Variants in GRIK2 observed in about 807,000 individuals in gnomAD.
The protein encoded by GRIK2 is glutamate ionotropic receptor kainate type subunit 2.
In GRIK2, 32 loss-of-function variants were observed where a neutral mutation model predicts 100.3. The observed-to-expected ratio is 0.32, with a 90% CI of 0.24 to 0.43. GRIK2 has a LOEUF of 0.43. Ranked by LOEUF, GRIK2 falls within the 20% of genes least tolerant of loss-of-function variation. GRIK2 has a pLI of 1.00. For synonymous variants in GRIK2, 417 were observed against 389.4 expected, an observed-to-expected ratio of 1.07 and a Z score of -0.83; for missense variants, 843 against 1,114.9, an observed-to-expected ratio of 0.76 and a Z score of 3.47.
intron 14 of GRIK2, chr6:101,993,348 A>G (rs1219799842): frequency 6.6e-6 from 1 of 151,546 alleles, no homozygotes; most frequent in Non-Finnish European, 1.5e-5. Context: ...AAAGGAAGAT[A>G]TATTTACTTA....
At chr6:101,930,664 CAT>C (rs1562494144) in intron 14 of GRIK2, among the ~76,000 whole-genome samples, 1 of 152,024 alleles carries the variant, frequency 6.6e-6, no homozygotes, top group Non-Finnish European at 1.5e-5. Flanking sequence ...AGTTACCAAA[CAT>C]ATGTATTTTT....
intron 2 of GRIK2, among the ~76,000 whole-genome samples, chr6:101,400,132 A>G (rs1397505184): frequency 2.2e-5 from 3 of 137,824 alleles, no homozygotes; most frequent in Non-Finnish European, 3.2e-5. Flanking sequence ...GAAGGATAGT[A>G]TCTGGGGCGG....
intron 16 of GRIK2, among the ~76,000 whole-genome samples, chr6:102,067,072 C>G (rs1422370423): frequency 1.3e-5 from 2 of 151,592 alleles, no homozygotes; most frequent in Non-Finnish European, 3.0e-5. Flanking sequence ...CTAATTAATT[C>G]AAAGTATGTT....
intron 11 of GRIK2, among the ~76,000 whole-genome samples, chr6:101,878,070 GTATATTATAT>G (rs67537651): frequency 0.24 from 32,814 of 135,352 alleles, 4,121 homozygotes; most frequent in East Asian, 0.28. Flanking sequence ...ATCGTGCCAG[GTATATTATAT>G]TATATTATAT....
intron 7 of GRIK2, among the ~76,000 whole-genome samples, chr6:101,734,577 G>T (rs778751710): frequency 6.6e-6 from 1 of 152,088 alleles, no homozygotes; most frequent in Non-Finnish European, 1.5e-5. Context: ...AAGTATTTGG[G>T]TACCCATGAC....
chr6:101,999,695 G>A (rs1000790044), intron 14 of GRIK2, among the ~76,000 whole-genome samples: 2 of 151,888 alleles, frequency 1.3e-5, no homozygotes, highest in African/African-American at 2.4e-5. Flanking sequence ...GTGCCTTACT[G>A]TATTGACTGG....
At chr6:101,650,498 T>A (rs1046158777) in intron 4 of GRIK2, among the ~76,000 whole-genome samples, 1 of 152,120 alleles carries the variant, frequency 6.6e-6, no homozygotes, top group African/African-American at 2.4e-5. Flanking sequence ...CATAATCAGC[T>A]GTGCCCAGAA....
intron 2 of GRIK2, among the ~76,000 whole-genome samples, chr6:101,473,857 C>T (rs942270148): frequency 6.6e-6 from 1 of 151,800 alleles, no homozygotes; most frequent in African/African-American, 2.4e-5. Context: ...GCAGATGTTG[C>T]TTTTTTGTAT....
At chr6:101,522,668 G>A (rs2749052) in intron 2 of GRIK2, among the ~76,000 whole-genome samples, 38,769 of 151,976 alleles carry the variant, frequency 0.26, 5,534 homozygotes, top group Non-Finnish European at 0.31. Context: ...TTGCATAAAT[G>A]AAACATTTTC....
In GRIK2 at chr6:101,806,629, T is replaced by G. The variant is rs192505780; in HGVS notation, c.1203+4191T>G. 2.6e-3 allele frequency among the ~76,000 whole-genome samples: 391 copies of G among 151,728 alleles called. 4 individuals carry two copies. Among genetic ancestry groups the G allele is most frequent in the African/African-American group, 9.0e-3 (373 of 41,360 alleles). On this transcript the variant is annotated intron_variant, in intron 9 of 16. Transcript: ENST00000369134. ...TCTTCTGCCCTACCTACAGAGGGTT[T>G]TTTTTTTTTTCTCATTTCCTCAAGA...
chr6:101,646,466 A>G (rs1024726798), intron 4 of GRIK2, among the ~76,000 whole-genome samples: 5 of 151,952 alleles, frequency 3.3e-5, no homozygotes, highest in African/African-American at 1.2e-4. Flanking sequence ...AGTTATGAAA[A>G]TATGTATTAT....
chr6:101,648,953 A>G (rs187072774), intron 4 of GRIK2, among the ~76,000 whole-genome samples: 166 of 152,202 alleles, frequency 1.1e-3, no homozygotes, highest in African/African-American at 3.9e-3. Flanking sequence ...CCTATTTATA[A>G]AACCATCTGT....
At chr6:101,599,130 T>A (rs1779069960) in intron 2 of GRIK2, among the ~76,000 whole-genome samples, 1 of 151,652 alleles carries the variant, frequency 6.6e-6, no homozygotes, top group South Asian at 2.1e-4. Flanking sequence ...TCCATGAGCA[T>A]CCAATATTTA....
chr6:101,681,404 A>ATTTTTTTTTTTTTTTTTTTTT, intron 5 of GRIK2, among the ~76,000 whole-genome samples: 1 of 111,956 alleles, frequency 8.9e-6, no homozygotes. Context: ...TTTCTTTTCT[A>ATTTTTTTTTTTTTTTTTTTTT]TTTTTTTTTT....
At chr6:101,965,991 G>A (rs1387334439) in intron 14 of GRIK2, among the ~76,000 whole-genome samples, 1 of 152,016 alleles carries the variant, frequency 6.6e-6, no homozygotes, top group Non-Finnish European at 1.5e-5. Flanking sequence ...ACATTAGATA[G>A]CATAGAAACT....
At chr6:101,546,972 A>C (rs1401801353) in intron 2 of GRIK2, among the ~76,000 whole-genome samples, 15 of 148,180 alleles carry the variant, frequency 1.0e-4, no homozygotes, top group Non-Finnish European at 2.1e-4. Flanking sequence ...CTGGGACTAC[A>C]GGCGCCCGCC....
chr6:101,567,947 G>A (rs953750539), intron 2 of GRIK2, among the ~76,000 whole-genome samples: 3 of 151,886 alleles, frequency 2.0e-5, no homozygotes, highest in African/African-American at 7.2e-5. Context: ...ACTTGTAGAT[G>A]TAGAATACAA....
intron 9 of GRIK2, among the ~76,000 whole-genome samples, chr6:101,813,548 A>C (rs955873033): frequency 2.0e-5 from 3 of 152,244 alleles, no homozygotes; most frequent in African/African-American, 7.2e-5. Context: ...GCACAAAAAA[A>C]GATAGTTTTG....
At chr6:101,533,514 C>G (rs80315773) in intron 2 of GRIK2, among the ~76,000 whole-genome samples, 3,883 of 151,986 alleles carry the variant, frequency 0.026, 99 homozygotes, top group Non-Finnish European at 0.032. Flanking sequence ...TGTACCCTCC[C>G]TCTGATGTCC....
Sources: gnomAD v4.1 joint callset for allele counts (sites outside exome capture counted in the v4.1 genomes callset) on GRCh38, gnomAD v4.1.1 for gene constraint, MANE v1.5 for transcripts, NCBI Gene and HGNC (gene_info 2026-07-23, HGNC 2026-07-21) for gene names.